Variants in ZC3H3 observed in about 807,000 individuals in gnomAD.
The protein encoded by ZC3H3 is zinc finger CCCH-type containing 3, also known as zinc finger CCCH domain-containing protein 3.
Under a neutral mutation model 77.3 loss-of-function variants are expected in ZC3H3, and 36 were observed. The observed-to-expected ratio is 0.47, with a 90% CI of 0.36 to 0.61. ZC3H3 has a LOEUF of 0.61. Ranked by LOEUF, ZC3H3 falls within the 20% of genes least tolerant of loss-of-function variation. The pLI, the probability that ZC3H3 is intolerant of heterozygous loss-of-function variation, is 0.00. For synonymous variants in ZC3H3, 626 were observed against 555.2 expected, an observed-to-expected ratio of 1.13 and a Z score of -1.79; for missense variants, 1,331 against 1,312.2, an observed-to-expected ratio of 1.01 and a Z score of -0.22.
chr8:143,489,377 A>C (rs58587385), intron 4 of ZC3H3, among the ~76,000 whole-genome samples: 20,313 of 152,236 alleles, frequency 0.13, 1,462 homozygotes, highest in Admixed American at 0.19. Context: ...GAGGACAAGC[A>C]GCCAATGGAA....
At chr8:143,454,321 C>T (rs923028954) in intron 9 of ZC3H3, among the ~76,000 whole-genome samples, 2 of 151,576 alleles carry the variant, frequency 1.3e-5, no homozygotes, top group Non-Finnish European at 2.9e-5. Flanking sequence ...GAACTTCTGA[C>T]CTCAGGTGAT....
chr8:143,501,649 C>T (rs1470400895), intron 4 of ZC3H3, among the ~76,000 whole-genome samples: 2 of 152,130 alleles, frequency 1.3e-5, no homozygotes, highest in Non-Finnish European at 2.9e-5. Context: ...CATGCCTGGC[C>T]ACGGGGCGCT....
intron 4 of ZC3H3, chr8:143,484,403 T>C (rs1820993534): frequency 6.6e-6 from 1 of 152,664 alleles, no homozygotes; most frequent in Non-Finnish European, 1.5e-5. Context: ...ATGTATTTTA[T>C]GTGCTCACAT....
chr8:143,475,358 G>C (rs757644838), intron 5 of ZC3H3, 40 bp downstream of exon 5: 2 of 1,589,894 alleles, frequency 1.3e-6, no homozygotes, highest in Non-Finnish European at 8.6e-7. Context: ...ACGCTAGCCG[G>C]TCGGTGTCAT....
At chr8:143,519,309 C>T (rs556142873) in intron 3 of ZC3H3, among the ~76,000 whole-genome samples, 2 of 152,262 alleles carry the variant, frequency 1.3e-5, no homozygotes, top group South Asian at 4.1e-4. Context: ...CTCCAGCCTT[C>T]GGGGCCAACA....
At chr8:143,490,278 T>C (rs1821166058) in intron 4 of ZC3H3, among the ~76,000 whole-genome samples, 1 of 152,018 alleles carries the variant, frequency 6.6e-6, no homozygotes, top group Non-Finnish European at 1.5e-5. Flanking sequence ...AGCAATACAA[T>C]AGAAAGGAGG....
intron 4 of ZC3H3, among the ~76,000 whole-genome samples, chr8:143,476,131 A>G (rs1820727407): frequency 6.6e-6 from 1 of 152,188 alleles, no homozygotes; most frequent in African/African-American, 2.4e-5. Flanking sequence ...CGGCCCCAGC[A>G]CATACCACCC....
At chr8:143,534,636 AC>A (rs1563886382) in intron 3 of ZC3H3, among the ~76,000 whole-genome samples, 1 of 151,478 alleles carries the variant, frequency 6.6e-6, no homozygotes, top group Non-Finnish European at 1.5e-5. Flanking sequence ...AGAGCTGGAC[AC>A]CTCCCCAACC....
chr8:143,469,869 G>A (rs948230631), intron 5 of ZC3H3, among the ~76,000 whole-genome samples: 39 of 152,196 alleles, frequency 2.6e-4, no homozygotes, highest in East Asian at 1.9e-4. Context: ...TTTCCTACAG[G>A]GCAAATGCTG....
chr8:143,536,131 C>G (rs912143852), intron 3 of ZC3H3, 126 bp downstream of exon 3: 6 of 1,187,314 alleles, frequency 5.1e-6, no homozygotes, highest in Non-Finnish European at 5.8e-6. Context: ...GTCTGCCAGG[C>G]AGTGCCCTCC....
chr8:143,484,862 G>C (rs955402973), intron 4 of ZC3H3: 1 of 455,332 alleles, frequency 2.2e-6, no homozygotes, highest in Non-Finnish European at 4.4e-6. Context: ...CCCCTCCGAA[G>C]ACCACACAGC....
intron 9 of ZC3H3, among the ~76,000 whole-genome samples, chr8:143,443,990 T>C (rs1032483359): frequency 6.1e-5 from 8 of 130,718 alleles, no homozygotes; most frequent in Admixed American, 1.5e-4. Context: ...TTTTTTTTTT[T>C]CTGAGACAGA....
intron 4 of ZC3H3, among the ~76,000 whole-genome samples, chr8:143,495,470 A>G (rs1821320773): frequency 6.6e-6 from 1 of 152,212 alleles, no homozygotes; most frequent in Non-Finnish European, 1.5e-5. Flanking sequence ...AGAGACTCAG[A>G]GCTGGGGCTG....
chr8:143,511,338 G>A (rs1821864624), intron 3 of ZC3H3, among the ~76,000 whole-genome samples: 1 of 152,252 alleles, frequency 6.6e-6, no homozygotes, highest in South Asian at 2.1e-4. Flanking sequence ...TCAGATGGGG[G>A]TCGCAGCCTT....
chr8:143,437,991 G>A lies in ZC3H3; in HGVS notation c.*65C>T. On this transcript the variant is annotated 3_prime_UTR_variant, in exon 12 of 12. Coordinates refer to ENST00000262577, the MANE Select transcript of ZC3H3 (RefSeq NM_015117.3). ...GGCCCTCCTGTGGGGTAGAGTGGTG[G>A]ACAGAGCCTCTTTCCTCTCCAAGGA... 4 of 1,574,234 alleles carry A rather than the reference G, an allele frequency of 2.5e-6. No individual in the cohort carries two copies. The highest frequency in any genetic ancestry group is 3.5e-6 in the Non-Finnish European group (4 of 1,159,376).
At chr8:143,519,454 G>A (rs1563875976) in intron 3 of ZC3H3, among the ~76,000 whole-genome samples, 1 of 152,154 alleles carries the variant, frequency 6.6e-6, no homozygotes, top group Admixed American at 6.5e-5. Context: ...TCTTGAAAGC[G>A]CAAAGGTTAA....
intron 9 of ZC3H3, among the ~76,000 whole-genome samples, chr8:143,455,351 C>T (rs1820088278): frequency 6.6e-6 from 1 of 152,080 alleles, no homozygotes; most frequent in African/African-American, 2.4e-5. Flanking sequence ...CAAAAATTAG[C>T]CAGGCGTGGT....
At chr8:143,454,983 C>T (rs999646840) in intron 9 of ZC3H3, among the ~76,000 whole-genome samples, 21 of 151,974 alleles carry the variant, frequency 1.4e-4, no homozygotes, top group Admixed American at 1.1e-3. Flanking sequence ...CTGTAAAATG[C>T]TTCCTTTAGG....
intron 4 of ZC3H3, among the ~76,000 whole-genome samples, chr8:143,476,857 C>T (rs1016594084): frequency 1.4e-4 from 21 of 152,240 alleles, no homozygotes; most frequent in African/African-American, 5.1e-4. Flanking sequence ...TACCTGAGCC[C>T]CCCAACCCAT....
Sources: allele counts gnomAD v4.1 joint callset (sites outside exome capture counted in the v4.1 genomes callset), GRCh38; gene constraint gnomAD v4.1.1; transcripts MANE v1.5; gene names NCBI Gene and HGNC (gene_info 2026-07-23, HGNC 2026-07-21).